Variants in CNTN3 observed in about 807,000 individuals in gnomAD.
CNTN3 encodes contactin 3.
CNTN3 carries 60 observed loss-of-function variants against 119.1 expected under a neutral mutation model. The observed-to-expected ratio is 0.50, with a 90% CI of 0.41 to 0.62. The LOEUF (loss-of-function observed/expected upper bound fraction) is 0.62. Ranked by LOEUF, CNTN3 falls within the 20% of genes least tolerant of loss-of-function variation. The pLI, the probability that CNTN3 is intolerant of heterozygous loss-of-function variation, is 0.00. For missense variants in CNTN3, 1,101 were observed against 1,242.4 expected (o/e 0.89, Z 1.71); for synonymous variants, 450 against 438.7 (o/e 1.03, Z -0.32).
In CNTN3 at chr3:74,292,427, G is replaced by A. The variant is rs185704539; in HGVS notation, c.2517+2694C>T. ...TAAAAAATACAAAAGTTAGCTGGGC[G>A]TGGTGGCGTGCACCTGTAATCCCAG... On this transcript the variant is annotated intron_variant, in intron 19 of 22. Transcript: ENST00000263665. 3.3e-5 allele frequency among the ~76,000 whole-genome samples: 5 copies of A among 152,266 alleles called. No homozygotes were observed. The East Asian group carries it at 9.7e-4, about 29-fold the overall frequency.
intron 13 of CNTN3, among the ~76,000 whole-genome samples, chr3:74,313,336 C>A (rs2106645453): frequency 6.6e-6 from 1 of 151,764 alleles, no homozygotes; most frequent in East Asian, 1.9e-4. Flanking sequence ...ACAGAGAACA[C>A]CAAGTAGAAT....
At chr3:74,518,487 A>C (rs537842004) in intron 2 of CNTN3, among the ~76,000 whole-genome samples, 2 of 152,004 alleles carry the variant, frequency 1.3e-5, no homozygotes, top group East Asian at 3.9e-4. Context: ...CTACAGAAGA[A>C]ATGACAGCCA....
intron 13 of CNTN3, among the ~76,000 whole-genome samples, chr3:74,315,680 A>C (rs1482356754): frequency 6.6e-6 from 1 of 152,224 alleles, no homozygotes; most frequent in African/African-American, 2.4e-5. Context: ...CACTCTTCTA[A>C]ATAACACATG....
intron 1 of CNTN3, among the ~76,000 whole-genome samples, chr3:74,600,114 T>C (rs563553653): frequency 2.0e-5 from 3 of 152,132 alleles, no homozygotes; most frequent in African/African-American, 7.2e-5. Flanking sequence ...ATTAATCATA[T>C]GTGGGATAAG....
intron 1 of CNTN3, among the ~76,000 whole-genome samples, chr3:74,540,479 T>C (rs927999751): frequency 6.6e-6 from 1 of 152,158 alleles, no homozygotes; most frequent in Non-Finnish European, 1.5e-5. Context: ...GTAAGCACCT[T>C]AGTTAACAAC....
chr3:74,456,601 G>A (rs1702274986), intron 4 of CNTN3, among the ~76,000 whole-genome samples: 2 of 152,070 alleles, frequency 1.3e-5, no homozygotes, highest in Non-Finnish European at 2.9e-5. Flanking sequence ...GTATGTGCTG[G>A]TGAAAGTACC....
intron 1 of CNTN3, among the ~76,000 whole-genome samples, chr3:74,548,430 G>A (rs1283515294): frequency 1.3e-5 from 2 of 152,074 alleles, no homozygotes; most frequent in African/African-American, 4.8e-5. Context: ...TGCTTTTTCA[G>A]TATCCATTTA....
chr3:74,272,320 C>A (rs537748268), intron 20 of CNTN3, among the ~76,000 whole-genome samples: 1 of 152,116 alleles, frequency 6.6e-6, no homozygotes, highest in African/African-American at 2.4e-5. Flanking sequence ...GATTCACAGG[C>A]AAGTGGGGCA....
In CNTN3 at chr3:74,263,521, A is replaced by G. The variant is rs1034728281; in HGVS notation, c.*880T>C. On this transcript the variant is annotated 3_prime_UTR_variant, in exon 23 of 23. Transcript: ENST00000263665. ...AAGGAAACAATTCCTTTTTTAATTT[A>G]AAAAAACTTTTTTTTTTTGAGAAAG... 2 of 151,952 alleles carry G rather than the reference A, an allele frequency of 1.3e-5. No homozygotes were observed. The highest frequency in any genetic ancestry group is 1.3e-4 in the Admixed American group (2 of 15,228). 9.4% of individuals were successfully genotyped at this position (151,952 alleles called of 1,614,324 possible).
intron 22 of CNTN3, among the ~76,000 whole-genome samples, chr3:74,264,852 C>A (rs1472577531): frequency 6.6e-6 from 1 of 152,120 alleles, no homozygotes; most frequent in Non-Finnish European, 1.5e-5. Context: ...CCTGGAACCA[C>A]CACAAGTTGT....
intron 5 of CNTN3, among the ~76,000 whole-genome samples, chr3:74,415,569 G>A (rs1559590543): frequency 6.6e-6 from 1 of 152,122 alleles, no homozygotes; most frequent in Non-Finnish European, 1.5e-5. Flanking sequence ...CTAAAATGAT[G>A]TCCATTGCAT....
intron 1 of CNTN3, among the ~76,000 whole-genome samples, chr3:74,546,509 G>A (rs780230395): frequency 5.3e-5 from 8 of 152,122 alleles, no homozygotes; most frequent in East Asian, 1.9e-4. Context: ...GAATAAAAGC[G>A]GGCAGAAGAA....
At chr3:74,400,158 T>C (rs1002024159) in intron 5 of CNTN3, among the ~76,000 whole-genome samples, 1 of 152,168 alleles carries the variant, frequency 6.6e-6, no homozygotes, top group Admixed American at 6.5e-5. Flanking sequence ...TGTGTCTAAT[T>C]AAAATTTGTC....
chr3:74,316,434 C>T (rs2106655352), intron 13 of CNTN3, among the ~76,000 whole-genome samples: 1 of 152,240 alleles, frequency 6.6e-6, no homozygotes, highest in South Asian at 2.1e-4. Flanking sequence ...TTGGAGATTT[C>T]CCAAAGAAGG....
At chr3:74,383,580 G>C (rs980651915) in intron 5 of CNTN3, among the ~76,000 whole-genome samples, 2 of 152,068 alleles carry the variant, frequency 1.3e-5, no homozygotes, top group African/African-American at 4.8e-5. Context: ...TGGCCTCCAG[G>C]GCTCAGGTGA....
intron 3 of CNTN3, among the ~76,000 whole-genome samples, chr3:74,497,013 C>G (rs562246166): frequency 6.6e-5 from 10 of 151,998 alleles, no homozygotes; most frequent in Non-Finnish European, 1.3e-4. Context: ...TAACTTTATT[C>G]TGAATCCTTA....
intron 5 of CNTN3, among the ~76,000 whole-genome samples, chr3:74,417,799 C>G (rs959603805): frequency 6.6e-6 from 1 of 152,020 alleles, no homozygotes; most frequent in Non-Finnish European, 1.5e-5. Flanking sequence ...TGTCTTAATG[C>G]GACTATGAAT....
intron 13 of CNTN3, among the ~76,000 whole-genome samples, chr3:74,321,351 AG>A (rs1414054220): frequency 6.6e-6 from 1 of 152,326 alleles, no homozygotes; most frequent in East Asian, 1.9e-4. Context: ...AATTAAAAAA[AG>A]ATTTTGAACT....
chr3:74,572,163 C>T (rs1383260193), intron 1 of CNTN3, among the ~76,000 whole-genome samples: 1 of 152,198 alleles, frequency 6.6e-6, no homozygotes, highest in Non-Finnish European at 1.5e-5. Flanking sequence ...CCAGTAAGTT[C>T]TCTTCTGTAC....
Sources: gnomAD v4.1 joint callset for allele counts (sites outside exome capture counted in the v4.1 genomes callset) on GRCh38, gnomAD v4.1.1 for gene constraint, MANE v1.5 for transcripts, NCBI Gene and HGNC (gene_info 2026-07-23, HGNC 2026-07-21) for gene names.